Variants in MAJIN observed in about 807,000 individuals in gnomAD.
The protein encoded by MAJIN is membrane-anchored junction protein.
Under a neutral mutation model 30.2 loss-of-function variants are expected in MAJIN, and 27 were observed. The observed-to-expected ratio is 0.89, with a 90% CI of 0.66 to 1.23. MAJIN has a LOEUF of 1.23. MAJIN is among the 50% of genes most tolerant of loss of function. MAJIN has a pLI of 0.00. For missense variants in MAJIN, 253 were observed against 260.3 expected, an observed-to-expected ratio of 0.97 and a Z score of 0.19; for synonymous variants, 78 against 91.6, an observed-to-expected ratio of 0.85 and a Z score of 0.85.
intron 6 of MAJIN, among the ~76,000 whole-genome samples, chr11:64,948,611 A>T (rs1945489894): frequency 4.1e-5 from 1 of 24,348 alleles, no homozygotes; most frequent in African/African-American, 3.6e-4. Flanking sequence ...TCATATATAT[A>T]TATATATATA....
intron 1 of MAJIN, among the ~76,000 whole-genome samples, chr11:64,966,561 GAAAAGGACTTTTTATAT>G (rs1945812960): frequency 6.6e-6 from 1 of 152,112 alleles, no homozygotes; most frequent in Admixed American, 6.6e-5. Context: ...AAAGAAAAAA[GAAAAGGACTTTTTATAT>G]AAAGAGGGCA....
At position 64,949,621 on chromosome 11, in the gene MAJIN, C is replaced by T. The variant is rs541038768; in HGVS notation, c.349+122G>A. On this transcript the variant is annotated intron_variant, in intron 6 of 10. Transcript: ENST00000301896. ...GAACCGGTCAGTCTGGCCTGGAGCA[C>T]ATGATCCTGACCTGTGCACTGTATG... is the stretch of plus-strand genomic sequence containing the variant. 9 of 1,288,970 alleles carry T rather than the reference C, an allele frequency of 7.0e-6. No individual in the cohort carries two copies. The South Asian group carries it at 1.0e-4, about 15-fold the overall frequency. The allele number at this position is 1,288,970 out of a possible 1,614,324, so 79.8% of individuals were successfully genotyped here. A position where few individuals can be genotyped will look rare whatever the true frequency, so the allele number is the denominator to read the frequency against.
chr11:64,967,353 C>T (rs1301511027), intron 1 of MAJIN, among the ~76,000 whole-genome samples: 4 of 151,824 alleles, frequency 2.6e-5, no homozygotes, highest in Non-Finnish European at 5.9e-5. Flanking sequence ...GTGCAATGAG[C>T]CGAGATGATA....
chr11:64,953,275 C>T (rs1945582652), intron 4 of MAJIN, among the ~76,000 whole-genome samples: 1 of 151,934 alleles, frequency 6.6e-6, no homozygotes, highest in Non-Finnish European at 1.5e-5. Context: ...GTACTTTGCC[C>T]GAAGTCAAAC....
At chr11:64,946,546 C>T (rs1159363361) in intron 8 of MAJIN, among the ~76,000 whole-genome samples, 3 of 152,160 alleles carry the variant, frequency 2.0e-5, no homozygotes, top group South Asian at 2.1e-4. Flanking sequence ...AAAGGAGCTC[C>T]CTACCTCTTC....
intron 1 of MAJIN, among the ~76,000 whole-genome samples, chr11:64,961,340 G>A (rs549183574): frequency 4.2e-4 from 63 of 150,956 alleles, no homozygotes; most frequent in African/African-American, 1.5e-3. Context: ...GCTAATTTTT[G>A]TATTTTTAGT....
chr11:64,949,629 T>C lies in MAJIN; in HGVS notation c.349+114A>G, dbSNP rs1353877110. On this transcript the variant is annotated intron_variant, in intron 6 of 10. Transcript: ENST00000301896. The stretch of plus-strand genomic sequence containing the variant: ...CAGTCTGGCCTGGAGCACATGATCC[T>C]GACCTGTGCACTGTATGGCTGGAGC... 4 of 1,365,372 alleles carry C rather than the reference T, an allele frequency of 2.9e-6. No homozygotes were observed. The African/African-American group carries it at 5.8e-5, about 20-fold the overall frequency. The allele number at this position is 1,365,372 out of a possible 1,614,324, so 84.6% of individuals were successfully genotyped here.
intron 1 of MAJIN, among the ~76,000 whole-genome samples, chr11:64,969,203 A>C (rs1945858785): frequency 6.6e-6 from 1 of 152,138 alleles, no homozygotes; most frequent in Non-Finnish European, 1.5e-5. Context: ...TTGTGTTTTA[A>C]GTCTAAGAGG....
rs1446345490 is a variant in MAJIN at position 64,949,974 on chromosome 11, C to T, written c.224-106G>A. 3.5e-6 allele frequency: 5 copies of T among 1,429,044 alleles called. No homozygotes were observed. The Admixed American group carries it at 7.8e-5, about 22-fold the overall frequency. 88.5% of individuals were successfully genotyped at this position (1,429,044 alleles called of 1,614,324 possible). A position where few individuals can be genotyped will look rare whatever the true frequency, so the allele number is the denominator to read the frequency against. On this transcript the variant is annotated intron_variant, in intron 5 of 10. Transcript: ENST00000301896. ...TTCCCCTGACCTACCCTCCAAACTG[C>T]CTATGGTTTTGCTACGTCCATTTGA...
intron 1 of MAJIN, among the ~76,000 whole-genome samples, chr11:64,968,572 C>T (rs1945847405): frequency 6.6e-6 from 1 of 151,678 alleles, no homozygotes. Flanking sequence ...TGGTGGCTCA[C>T]GCCTGTAATC....
intron 5 of MAJIN, 89 bp from the exon 6 acceptor site, chr11:64,949,957 AC>A: frequency 6.7e-7 from 1 of 1,498,132 alleles, no homozygotes; most frequent in Non-Finnish European, 9.0e-7. Flanking sequence ...CCTTCCCCTG[AC>A]CTACCCTCCA....
chr11:64,940,817 T>C (rs1945363112), intron 8 of MAJIN, among the ~76,000 whole-genome samples, 171 bp from the exon 9 acceptor site: 1 of 75,208 alleles, frequency 1.3e-5, no homozygotes. Context: ...TGTCCTTTTT[T>C]CTTTTCTTTT....
intron 1 of MAJIN, among the ~76,000 whole-genome samples, chr11:64,962,679 T>G (rs776364341): frequency 6.6e-6 from 1 of 152,194 alleles, no homozygotes; most frequent in Non-Finnish European, 1.5e-5. Context: ...TTTCCTAGTT[T>G]CTATGTCTAC....
At chr11:64,949,894 G>A in intron 5 of MAJIN, 26 bp from the exon 6 acceptor site, 1 of 1,599,062 alleles carries the variant, frequency 6.3e-7, no homozygotes, top group Non-Finnish European at 8.5e-7. Flanking sequence ...AAGGAGTAAG[G>A]AAAGATGCCA....
chr11:64,942,234 T>G (rs940560038), intron 8 of MAJIN, among the ~76,000 whole-genome samples: 3 of 152,146 alleles, frequency 2.0e-5, no homozygotes, highest in African/African-American at 7.2e-5. Flanking sequence ...CTTTTTTTTT[T>G]CTTTTGGGTG....
At chr11:64,938,613 G>C (rs1283964312) in intron 10 of MAJIN, 40 bp from the exon 11 acceptor site, 1 of 1,526,168 alleles carries the variant, frequency 6.6e-7, no homozygotes, top group Non-Finnish European at 8.8e-7. Context: ...ACTCTATGAG[G>C]TCTCCTTCCC....
chr11:64,939,490 A>T (rs1258581850), intron 10 of MAJIN, among the ~76,000 whole-genome samples, 172 bp downstream of exon 10: 1 of 152,224 alleles, frequency 6.6e-6, no homozygotes, highest in African/African-American at 2.4e-5. Context: ...GTCTTTATTA[A>T]ATGCACAATT....
At chr11:64,951,764 CAA>C (rs11329539) in intron 4 of MAJIN, among the ~76,000 whole-genome samples, 1,228 of 95,920 alleles carry the variant, frequency 0.013, 8 homozygotes, top group Middle Eastern at 0.032. Flanking sequence ...AACCTTGTCT[CAA>C]AAAAAAAAAA....
intron 8 of MAJIN, 115 bp downstream of exon 8, chr11:64,947,259 C>T (rs1945464566): frequency 2.5e-6 from 2 of 786,176 alleles, no homozygotes; most frequent in South Asian, 2.0e-5. Flanking sequence ...TAGGCAGATA[C>T]TGATGAAGTC....
Sources: gnomAD v4.1 joint callset for allele counts (sites outside exome capture counted in the v4.1 genomes callset) on GRCh38, gnomAD v4.1.1 for gene constraint, MANE v1.5 for transcripts, NCBI Gene and HGNC (gene_info 2026-07-23, HGNC 2026-07-21) for gene names.